Variants in ZNF385D observed in about 807,000 individuals in gnomAD.
ZNF385D encodes zinc finger protein 385D.
Under a neutral mutation model 35.8 loss-of-function variants are expected in ZNF385D, and 15 were observed. The observed-to-expected ratio is 0.42, with a 90% CI of 0.28 to 0.64. The LOEUF (loss-of-function observed/expected upper bound fraction) is 0.64, where lower values mean the gene tolerates loss of function less well. Ranked by LOEUF, ZNF385D falls within the 30% of genes least tolerant of loss-of-function variation. The probability of loss-of-function intolerance (pLI) is 0.23; values close to 1 mark genes in which losing one functional copy is unlikely to be tolerated. For synonymous variants in ZNF385D, 212 were observed against 186.8 expected, an observed-to-expected ratio of 1.13 and a Z score of -1.10; for missense variants, 474 against 494.6, an observed-to-expected ratio of 0.96 and a Z score of 0.39.
chr3:21,446,713 C>A (rs418442), intron 4 of ZNF385D, among the ~76,000 whole-genome samples: 5 of 151,466 alleles, frequency 3.3e-5, no homozygotes, highest in Admixed American at 1.3e-4. Context: ...AGCCGGTCTC[C>A]AATCTCTGAC....
At chr3:22,121,727 C>T (rs1165595599) in intron 3 of ZNF385D, among the ~76,000 whole-genome samples, 2 of 151,292 alleles carry the variant, frequency 1.3e-5, no homozygotes, top group Non-Finnish European at 2.9e-5. Context: ...AAACACAATC[C>T]CCTGTACCTG....
At chr3:21,642,894 A>G (rs1045781785) in intron 2 of ZNF385D, among the ~76,000 whole-genome samples, 4 of 152,128 alleles carry the variant, frequency 2.6e-5, no homozygotes, top group Admixed American at 6.6e-5. Context: ...ACAGTAGTCA[A>G]ATTCATTGAG....
At chr3:22,243,597 A>C (rs576998706) in intron 2 of ZNF385D, among the ~76,000 whole-genome samples, 10 of 151,218 alleles carry the variant, frequency 6.6e-5, no homozygotes, top group African/African-American at 2.4e-4. Flanking sequence ...ATGACAATGG[A>C]AATGCCATGA....
chr3:22,259,333 A>G (rs1323145663), intron 2 of ZNF385D, among the ~76,000 whole-genome samples: 2 of 151,970 alleles, frequency 1.3e-5, no homozygotes, highest in Non-Finnish European at 2.9e-5. Flanking sequence ...TTTTTGCATG[A>G]AAACATGAAT....
chr3:22,141,766 CA>C (rs1307408845), intron 3 of ZNF385D, among the ~76,000 whole-genome samples: 1 of 152,146 alleles, frequency 6.6e-6, no homozygotes, highest in African/African-American at 2.4e-5. Flanking sequence ...TCTGAATTTA[CA>C]GTGATCTAAT....
intron 2 of ZNF385D, among the ~76,000 whole-genome samples, chr3:22,185,518 T>C (rs1350743172): frequency 6.6e-6 from 1 of 152,192 alleles, no homozygotes; most frequent in African/African-American, 2.4e-5. Context: ...TCGTCCAGGC[T>C]GGAGTGCAGT....
At chr3:21,866,138 A>T (rs910372166) in intron 3 of ZNF385D, among the ~76,000 whole-genome samples, 1 of 151,876 alleles carries the variant, frequency 6.6e-6, no homozygotes, top group Non-Finnish European at 1.5e-5. Context: ...TTTTATTTTG[A>T]TTTTATAAAT....
chr3:21,430,053 A>C (rs1027884261), intron 5 of ZNF385D, among the ~76,000 whole-genome samples: 3 of 152,122 alleles, frequency 2.0e-5, no homozygotes, highest in African/African-American at 7.2e-5. Flanking sequence ...AAACGCTTCC[A>C]TGTGTTCTTT....
At chr3:21,767,676 G>A (rs1471695904) in intron 3 of ZNF385D, among the ~76,000 whole-genome samples, 1 of 151,892 alleles carries the variant, frequency 6.6e-6, no homozygotes, top group Admixed American at 6.6e-5. Flanking sequence ...AGAGAGTTAA[G>A]GTGGGGGGTG....
intron 3 of ZNF385D, among the ~76,000 whole-genome samples, chr3:21,954,343 A>C (rs2125304281): frequency 6.6e-6 from 1 of 152,086 alleles, no homozygotes; most frequent in East Asian, 1.9e-4. Flanking sequence ...CTTTTGTTTC[A>C]AGTAAACACA....
intron 3 of ZNF385D, among the ~76,000 whole-genome samples, chr3:21,900,005 C>T (rs1198399145): frequency 1.3e-5 from 2 of 152,056 alleles, no homozygotes; most frequent in African/African-American, 2.4e-5. Context: ...GGGCAGGTGG[C>T]AAGACATGCT....
At chr3:22,004,056 T>C (rs898183396) in intron 3 of ZNF385D, among the ~76,000 whole-genome samples, 1 of 151,912 alleles carries the variant, frequency 6.6e-6, no homozygotes, top group Non-Finnish European at 1.5e-5. Context: ...AAAAACCATA[T>C]AACCAATGGA....
intron 3 of ZNF385D, among the ~76,000 whole-genome samples, chr3:22,158,351 G>A (rs73145018): frequency 0.012 from 1,853 of 152,068 alleles, 38 homozygotes; most frequent in African/African-American, 0.039. Flanking sequence ...GTTATTGGGC[G>A]CTTTTTCCCT....
intron 2 of ZNF385D, among the ~76,000 whole-genome samples, chr3:21,589,983 T>TAGAC (rs1389945510): frequency 2.0e-5 from 3 of 152,030 alleles, no homozygotes; most frequent in African/African-American, 7.2e-5. Flanking sequence ...TTCTAGGTAA[T>TAGAC]AGACTGTAAA....
At chr3:22,030,276 T>TATATATCCTATACAAATAACAAATAGG (rs1553591274) in intron 3 of ZNF385D, among the ~76,000 whole-genome samples, 5,629 of 103,558 alleles carry the variant, frequency 0.054, 441 homozygotes, top group East Asian at 0.082. Flanking sequence ...TATATATATA[T>TATATATCCTATACAAATAACAAATAGG]ATATATATAT....
intron 2 of ZNF385D, among the ~76,000 whole-genome samples, chr3:21,619,246 C>T (rs753832198): frequency 9.2e-5 from 14 of 152,134 alleles, no homozygotes; most frequent in Non-Finnish European, 1.5e-4. Flanking sequence ...TTTGTTCTCT[C>T]ATCTCCTCGC....
intron 3 of ZNF385D, chr3:21,511,609 C>T: frequency 2.3e-6 from 1 of 440,418 alleles, no homozygotes; most frequent in South Asian, 1.6e-5. Flanking sequence ...GATTCTTTCT[C>T]CTCACTTCTT....
intron 3 of ZNF385D, among the ~76,000 whole-genome samples, chr3:21,957,457 T>C (rs1247300170): frequency 6.6e-6 from 1 of 152,120 alleles, no homozygotes; most frequent in Non-Finnish European, 1.5e-5. Flanking sequence ...AAAAGCCTGA[T>C]AGCAATATGA....
At chr3:21,812,084 T>A (rs1175298101) in intron 3 of ZNF385D, among the ~76,000 whole-genome samples, 2 of 152,098 alleles carry the variant, frequency 1.3e-5, no homozygotes, top group African/African-American at 4.8e-5. Context: ...TAAGAGGAAG[T>A]TAAGTGCCAC....
Sources: gnomAD v4.1 joint callset for allele counts (sites outside exome capture counted in the v4.1 genomes callset) on GRCh38, gnomAD v4.1.1 for gene constraint, MANE v1.5 for transcripts, NCBI Gene and HGNC (gene_info 2026-07-23, HGNC 2026-07-21) for gene names.